MYO5A: variants seen among roughly 807,000 people sequenced by gnomAD.
MYO5A encodes unconventional myosin-Va.
MYO5A carries 98 observed loss-of-function variants against 249.7 expected under a neutral mutation model. The ratio of observed to expected loss-of-function variants is 0.39; its 90% CI spans 0.33 to 0.46. The LOEUF (loss-of-function observed/expected upper bound fraction) is 0.46. Among genes scored for constraint, MYO5A ranks in the 20% least tolerant of loss-of-function variants. The pLI is 0.98. For missense variants in MYO5A, 1,696 were observed against 2,308.8 expected (o/e 0.73, Z 5.44); for synonymous variants, 778 against 810.6 (o/e 0.96, Z 0.68).
intron 1 of MYO5A, among the ~76,000 whole-genome samples, chr15:52,507,260 T>C (rs534071385): frequency 6.6e-6 from 1 of 152,344 alleles, no homozygotes. Context: ...TGCTAGTTAA[T>C]TACAACTGGG....
intron 2 of MYO5A, among the ~76,000 whole-genome samples, chr15:52,430,327 G>T (rs1271232458): frequency 6.6e-6 from 1 of 152,136 alleles, no homozygotes; most frequent in African/African-American, 2.4e-5. Context: ...TACAGGGTGG[G>T]GTTGTTTGTG....
intron 34 of MYO5A, among the ~76,000 whole-genome samples, chr15:52,332,628 C>A (rs1048257360): frequency 1.1e-4 from 16 of 152,060 alleles, no homozygotes; most frequent in African/African-American, 3.1e-4. Flanking sequence ...GATGTCAGTT[C>A]AACATAACCT....
At chr15:52,528,330 G>A (rs1247394665) in intron 1 of MYO5A, among the ~76,000 whole-genome samples, 1 of 152,216 alleles carries the variant, frequency 6.6e-6, no homozygotes, top group Non-Finnish European at 1.5e-5. Flanking sequence ...AGGCTAGCTG[G>A]CGGTAGAAGC....
chr15:52,343,059 CTGTT>C, intron 31 of MYO5A, 54 bp downstream of exon 31: 1 of 1,410,448 alleles, frequency 7.1e-7, no homozygotes, highest in Non-Finnish European at 1.0e-6. Context: ...CAGGAGGTCA[CTGTT>C]AGTAAGAAAA....
intron 1 of MYO5A, among the ~76,000 whole-genome samples, chr15:52,489,669 A>G (rs2076896800): frequency 6.6e-6 from 1 of 152,066 alleles, no homozygotes; most frequent in African/African-American, 2.4e-5. Context: ...ATATCTGATA[A>G]AAGATTCATA....
At chr15:52,385,738 A>G (rs555628835) in intron 14 of MYO5A, among the ~76,000 whole-genome samples, 1 of 152,332 alleles carries the variant, frequency 6.6e-6, no homozygotes, top group Non-Finnish European at 1.5e-5. Flanking sequence ...TACTTCCAAG[A>G]GAACACATTT....
Position 52,379,896 on chromosome 15 carries a change from C to A in MYO5A, c.2025G>T (p.Lys675Asn). The change falls in exon 17 of 42, where the codon AAG (lysine) becomes AAT (asparagine). Residue 675 changes from lysine to asparagine, a missense_variant. Physicochemically the swap from Lys to Asn is moderately conservative, Grantham distance 94. This residue lies in a region of MYO5A where 277 missense variants were observed against 422.4 expected (regional missense o/e 0.66). Transcript: ENST00000399233. Reference protein sequence around the residue: ...DFKFPFTFDEKRAVQQLRACG... With the variant: ...DFKFPFTFDENRAVQQLRACG... ...ATGCTCTCAGCTGCTGCACTGCCCTCTTCTCATCAAACCTACAAATAAAAA... is the reference window on the plus strand; with the variant it reads ...ATGCTCTCAGCTGCTGCACTGCCCTATTCTCATCAAACCTACAAATAAAAA... 2 of 1,614,008 alleles carry A rather than the reference C, an allele frequency of 1.2e-6. No homozygotes were observed. The highest frequency in any genetic ancestry group is 1.7e-6 in the Non-Finnish European group (2 of 1,179,918).
intron 29 of MYO5A, 194 bp from the exon 30 acceptor site, chr15:52,346,655 A>C: frequency 1.5e-6 from 1 of 670,616 alleles, no homozygotes; most frequent in Non-Finnish European, 2.7e-6. Flanking sequence ...AGGTACCTTC[A>C]GTTTTTCTCC....
At chr15:52,412,977 A>C (rs2043312856) in intron 5 of MYO5A, among the ~76,000 whole-genome samples, 1 of 151,950 alleles carries the variant, frequency 6.6e-6, no homozygotes, top group Admixed American at 6.6e-5. Flanking sequence ...GTGAAACCCT[A>C]TCTCTATTTA....
chr15:52,367,870 AACACACACACACACACACACACAC>A (rs3985806), intron 22 of MYO5A, among the ~76,000 whole-genome samples: 11 of 141,786 alleles, frequency 7.8e-5, no homozygotes, highest in Non-Finnish European at 1.7e-4. Flanking sequence ...TATATTTTAA[AACACACACACACACACACACACAC>A]ACACACACAC....
chr15:52,358,202 A>T (rs575647354), intron 25 of MYO5A, among the ~76,000 whole-genome samples: 2 of 152,184 alleles, frequency 1.3e-5, no homozygotes, highest in South Asian at 2.1e-4. Context: ...AGAGCTACAG[A>T]CTGGTTTCCG....
chr15:52,327,533 C>A (rs981654541), intron 36 of MYO5A, among the ~76,000 whole-genome samples: 2 of 152,084 alleles, frequency 1.3e-5, no homozygotes, highest in Non-Finnish European at 2.9e-5. Context: ...CATAGTGAGA[C>A]CCTGTCTCTA....
At chr15:52,445,115 T>C (rs556868061) in intron 1 of MYO5A, among the ~76,000 whole-genome samples, 1 of 152,284 alleles carries the variant, frequency 6.6e-6, no homozygotes, top group African/African-American at 2.4e-5. Flanking sequence ...AAATCCCATG[T>C]TGAAATGTAA....
At chr15:52,453,695 G>A (rs192237416) in intron 1 of MYO5A, among the ~76,000 whole-genome samples, 157 of 152,178 alleles carry the variant, frequency 1.0e-3, no homozygotes, top group Non-Finnish European at 1.7e-3. Flanking sequence ...AAGTGAAAAC[G>A]TAGGGGGAAT....
intron 1 of MYO5A, among the ~76,000 whole-genome samples, chr15:52,463,180 C>T (rs2076287055): frequency 6.6e-6 from 1 of 152,202 alleles, no homozygotes; most frequent in South Asian, 2.1e-4. Context: ...AAAAATGCAG[C>T]ATAAGCAAAC....
chr15:52,317,601 A>G (rs1382702511), intron 39 of MYO5A, among the ~76,000 whole-genome samples: 1 of 152,214 alleles, frequency 6.6e-6, no homozygotes, highest in African/African-American at 2.4e-5. Flanking sequence ...TTGCTGTTGC[A>G]GGGTGAGACT....
rs1243035615 is a variant in MYO5A at position 52,337,860 on chromosome 15, C to A, written c.4264G>T (p.Asp1422Tyr). The A allele has an allele frequency of 1.3e-6, 2 of 1,545,074 alleles. No homozygotes were observed. Among genetic ancestry groups the A allele is most frequent in the African/African-American group, 1.4e-5 (1 of 73,024 alleles). ...NLYFEELYAD[D>Y]PKKYQSYRIS... is the part of the protein sequence containing the mutation. ...CGATATGATTGATACTTCTTAGGGT[C>A]ATCTGCATATAATTCCTCAAAATAC... The change falls in exon 33 of 42, where the codon GAC becomes TAC. Residue 1422 changes from aspartate to tyrosine, a missense_variant. This residue lies in a region of MYO5A where 625 missense variants were observed against 908.1 expected (regional missense o/e 0.69). Coordinates refer to ENST00000399233, the MANE Select transcript of MYO5A (RefSeq NM_001382347.1).
chr15:52,356,810 T>A (rs925776571), intron 25 of MYO5A, among the ~76,000 whole-genome samples: 10 of 125,664 alleles, frequency 8.0e-5, no homozygotes, highest in East Asian at 4.1e-4. Context: ...CTTTTTTTTT[T>A]TTTTTTTTAT....
At chr15:52,354,849 ATCTC>A (rs2040135601) in intron 25 of MYO5A, among the ~76,000 whole-genome samples, 1 of 149,598 alleles carries the variant, frequency 6.7e-6, no homozygotes. Context: ...GTGAGACTCC[ATCTC>A]ACAAAAAAAA....
Sources: allele counts gnomAD v4.1 joint callset (sites outside exome capture counted in the v4.1 genomes callset), GRCh38; gene constraint gnomAD v4.1.1; regional missense constraint gnomAD v4.1.1; transcripts MANE v1.5; gene names NCBI Gene and HGNC (gene_info 2026-07-23, HGNC 2026-07-21).